The following ROBO1 variants were observed in gnomAD, a reference collection of about 807,000 sequenced individuals.
The protein encoded by ROBO1 is roundabout guidance receptor 1, also known as roundabout homolog 1.
In ROBO1, 149 loss-of-function variants were observed where a neutral mutation model predicts 195.9. That is an observed-to-expected ratio of 0.76 (90% CI 0.67 to 0.87). The LOEUF (loss-of-function observed/expected upper bound fraction) is 0.87. ROBO1 is among the 40% of genes least tolerant of loss of function. ROBO1 has a pLI of 0.00. For missense variants in ROBO1, 1,933 were observed against 2,068.3 expected, an observed-to-expected ratio of 0.93 and a Z score of 1.27; for synonymous variants, 816 against 733.2, an observed-to-expected ratio of 1.11 and a Z score of -1.82.
chr3:79,103,919 G>A (rs1008148915), intron 3 of ROBO1, among the ~76,000 whole-genome samples: 1 of 151,704 alleles, frequency 6.6e-6, no homozygotes. Flanking sequence ...TTTCAATTTA[G>A]CAAATATTAT....
intron 3 of ROBO1, among the ~76,000 whole-genome samples, chr3:78,944,336 A>G (rs1363042111): frequency 6.6e-6 from 1 of 152,244 alleles, no homozygotes; most frequent in East Asian, 1.9e-4. Context: ...TTTAAAATAT[A>G]GATGATAAAA....
intron 1 of ROBO1, among the ~76,000 whole-genome samples, chr3:79,620,518 A>C (rs1944972494): frequency 1.7e-5 from 2 of 115,822 alleles, no homozygotes; most frequent in African/African-American, 2.7e-5. Context: ...CAACTTGGAC[A>C]ACATTCTTTT....
chr3:78,984,755 G>T (rs1199517021), intron 3 of ROBO1, among the ~76,000 whole-genome samples: 1 of 152,132 alleles, frequency 6.6e-6, no homozygotes, highest in Admixed American at 6.6e-5. Flanking sequence ...TTCCAAGAAA[G>T]TAAAACAAAG....
In ROBO1 at chr3:78,792,934, T is replaced by C. The variant is rs561256117; in HGVS notation, c.500-46034A>G. On this transcript the variant is annotated intron_variant, in intron 4 of 30. Transcript: ENST00000464233. ...GGGCAACAGAGTAGAACCTCCTCTC[T>C]ACTAAAAATAAAATCAAATAAATCC... Among the ~76,000 whole-genome samples the C allele has an allele frequency of 7.9e-5, 12 of 152,008 alleles. No individual in the cohort carries two copies. The South Asian group carries it at 2.3e-3, about 29-fold the overall frequency.
intron 20 of ROBO1, 37 bp from the exon 21 acceptor site, chr3:78,646,227 G>C: frequency 6.4e-7 from 1 of 1,570,888 alleles, no homozygotes; most frequent in Non-Finnish European, 8.7e-7. Flanking sequence ...ACAATTAATA[G>C]ACATATTTAT....
intron 2 of ROBO1, among the ~76,000 whole-genome samples, chr3:79,201,254 C>G (rs1227193089): frequency 6.6e-6 from 1 of 151,926 alleles, no homozygotes; most frequent in Non-Finnish European, 1.5e-5. Context: ...TACCATAGTT[C>G]TCATAATAAA....
At chr3:79,093,558 A>G (rs1299279302) in intron 3 of ROBO1, among the ~76,000 whole-genome samples, 1 of 152,110 alleles carries the variant, frequency 6.6e-6, no homozygotes, top group Non-Finnish European at 1.5e-5. Context: ...AAAAAATTAA[A>G]GATGCTGTAT....
intron 4 of ROBO1, among the ~76,000 whole-genome samples, chr3:78,915,928 T>G (rs983871392): frequency 6.6e-6 from 1 of 152,148 alleles, no homozygotes; most frequent in Non-Finnish European, 1.5e-5. Context: ...AAAGTGCAAG[T>G]GCGAGAGCCG....
intron 1 of ROBO1, among the ~76,000 whole-genome samples, chr3:79,757,039 C>G (rs1310893756): frequency 6.6e-6 from 1 of 151,916 alleles, no homozygotes; most frequent in African/African-American, 2.4e-5. Context: ...CATAATAGAT[C>G]ATTGTTTGTT....
chr3:79,109,895 A>G (rs146065649), intron 3 of ROBO1, among the ~76,000 whole-genome samples: 6 of 152,272 alleles, frequency 3.9e-5, no homozygotes, highest in Admixed American at 6.5e-5. Context: ...ACTAAAGGCT[A>G]CATAAGTAAC....
intron 1 of ROBO1, among the ~76,000 whole-genome samples, chr3:79,665,595 TC>T (rs1367532596): frequency 1.3e-5 from 2 of 151,678 alleles, no homozygotes; most frequent in African/African-American, 2.4e-5. Flanking sequence ...AACATTTGAG[TC>T]TGTAAAATAT....
chr3:79,480,111 G>A (rs567390581), intron 2 of ROBO1, among the ~76,000 whole-genome samples: 2 of 152,298 alleles, frequency 1.3e-5, no homozygotes, highest in South Asian at 4.1e-4. Flanking sequence ...TTCATAGTCA[G>A]TGTTACCTGG....
chr3:79,581,448 T>C (rs1943658973), intron 2 of ROBO1, among the ~76,000 whole-genome samples: 1 of 152,152 alleles, frequency 6.6e-6, no homozygotes, highest in Non-Finnish European at 1.5e-5. Flanking sequence ...AGTTTCTTCA[T>C]TGAGTATCTT....
At chr3:79,117,816 A>G (rs2080035567) in intron 3 of ROBO1, among the ~76,000 whole-genome samples, 1 of 152,198 alleles carries the variant, frequency 6.6e-6, no homozygotes. Context: ...TGTCTATGAT[A>G]GTGAAAAAAA....
chr3:78,671,305 T>G (rs1708052806), intron 10 of ROBO1, among the ~76,000 whole-genome samples: 2 of 152,114 alleles, frequency 1.3e-5, no homozygotes, highest in Admixed American at 1.3e-4. Flanking sequence ...ATAGTTTTTT[T>G]TTAATGACTT....
chr3:79,282,328 A>G, intron 2 of ROBO1, among the ~76,000 whole-genome samples: 1 of 152,340 alleles, frequency 6.6e-6, no homozygotes, highest in Middle Eastern at 3.4e-3. Context: ...TTTATCCATC[A>G]AATTGTTTAT....
intron 2 of ROBO1, among the ~76,000 whole-genome samples, chr3:79,337,192 G>T (rs2034709398): frequency 6.6e-6 from 1 of 152,162 alleles, no homozygotes; most frequent in African/African-American, 2.4e-5. Flanking sequence ...ATAAGACTTT[G>T]GGGGACTGTT....
intron 2 of ROBO1, among the ~76,000 whole-genome samples, chr3:79,322,995 T>C (rs993840007): frequency 6.6e-6 from 1 of 152,140 alleles, no homozygotes; most frequent in Non-Finnish European, 1.5e-5. Context: ...TATCCTTCAG[T>C]TATAATTTTA....
intron 3 of ROBO1, among the ~76,000 whole-genome samples, chr3:79,002,708 G>A (rs1446916771): frequency 6.6e-6 from 1 of 152,076 alleles, no homozygotes; most frequent in Non-Finnish European, 1.5e-5. Context: ...TTAAGCCACA[G>A]TATTAATACT....
Sources: gnomAD v4.1 joint callset for allele counts (sites outside exome capture counted in the v4.1 genomes callset) on GRCh38, gnomAD v4.1.1 for gene constraint, MANE v1.5 for transcripts, NCBI Gene and HGNC (gene_info 2026-07-23, HGNC 2026-07-21) for gene names.